The following PPOX variants were observed in gnomAD, a reference collection of about 807,000 sequenced individuals.
PPOX encodes the protein variegate porphyria.
PPOX carries 23 observed loss-of-function variants against 54.1 expected under a neutral mutation model. That is an observed-to-expected ratio of 0.43 (90% CI 0.31 to 0.60). The LOEUF (loss-of-function observed/expected upper bound fraction) is 0.60. Ranked by LOEUF, PPOX falls within the 20% of genes least tolerant of loss-of-function variation. The probability of loss-of-function intolerance (pLI) is 0.13; values close to 1 mark genes in which losing one functional copy is unlikely to be tolerated. For synonymous variants in PPOX, 224 were observed against 236.1 expected (o/e 0.95, Z 0.47); for missense variants, 512 against 601.1 (o/e 0.85, Z 1.55).
At chr1:161,176,620 G>T in intron 4 of PPOX, 1 of 559,726 alleles carries the variant, frequency 1.8e-6, no homozygotes. Context: ...TACCTGCACC[G>T]CCAGAGATCA....
At chr1:161,169,842 C>T (rs1416634478) in intron 8 of PPOX, 64 bp from the exon 9 acceptor site, 11 of 1,614,110 alleles carry the variant, frequency 6.8e-6, no homozygotes, top group South Asian at 1.1e-5. Context: ...GGAGTCTAAT[C>T]CCAAAGAGGA....
rs1416626968 is a variant in PPOX at position 161,170,897 on chromosome 1, C to G, written c.1249-10C>G. 1 of 1,614,012 alleles carries G rather than the reference C, an allele frequency of 6.2e-7. No homozygotes were observed. Among genetic ancestry groups the G allele is most frequent in the Non-Finnish European group, 8.5e-7 (1 of 1,180,036 alleles). Reference sequence around the variant, plus strand: ...TAAACTTTTCCCTGCATCCTCTCCTCTCTTCTCAGAACTGCATTCCCCAGT... The same window carrying G: ...TAAACTTTTCCCTGCATCCTCTCCTGTCTTCTCAGAACTGCATTCCCCAGT... On this transcript the variant is annotated splice_polypyrimidine_tract_variant and intron_variant, in intron 11 of 12. Coordinates refer to ENST00000367999, the MANE Select transcript of PPOX (RefSeq NM_001122764.3).
chr1:161,177,407 T>G, downstream of PPOX: 2 of 248,444 alleles, frequency 8.1e-6, no homozygotes, highest in Non-Finnish European at 1.6e-5. Context: ...TGTCGACGCA[T>G]TCCCAGCGCA....
chr1:161,166,727 C>T, intron 1 of PPOX, 55 bp downstream of exon 1: 1 of 1,549,626 alleles, frequency 6.5e-7, no homozygotes, highest in East Asian at 2.4e-5. Context: ...CATCCGTGCA[C>T]ACTTAGTTTC....
chr1:161,170,320 G>GGGGGGGGGCCCC, intron 9 of PPOX, 89 bp from the exon 10 acceptor site: 7 of 494,778 alleles, frequency 1.4e-5, no homozygotes, highest in East Asian at 1.1e-4. Flanking sequence ...GTGAGACTCT[G>GGGGGGGGGCCCC]TCCCCCCCAC....
chr1:161,166,382 G>A (rs1473485553), upstream of PPOX: 3 of 1,059,876 alleles, frequency 2.8e-6, no homozygotes, highest in East Asian at 1.5e-4. Flanking sequence ...CGCCAATCCA[G>A]ATGTAGGAGA....
chr1:161,171,353 C>T (rs1178725764), downstream of PPOX: 20 of 1,113,590 alleles, frequency 1.8e-5, no homozygotes, highest in Non-Finnish European at 2.6e-5. Flanking sequence ...AAAATCCCAG[C>T]CCCCTGAGCC....
upstream of PPOX, chr1:161,166,084 G>A (rs1658790837): frequency 3.0e-6 from 3 of 985,220 alleles, no homozygotes; most frequent in Non-Finnish European, 1.2e-6. Flanking sequence ...CCGCCTCCCC[G>A]TGGACTGGCC....
chr1:161,170,043 G>C lies in PPOX; in HGVS notation c.987+19G>C, dbSNP rs768986793. 6 of 1,605,560 alleles carry C rather than the reference G, an allele frequency of 3.7e-6. No individual in the cohort carries two copies. The highest frequency in any genetic ancestry group is 4.2e-6 in the Non-Finnish European group (5 of 1,176,574). On this transcript the variant is annotated intron_variant, in intron 9 of 12. Coordinates refer to ENST00000367999, the MANE Select transcript of PPOX (RefSeq NM_001122764.3). ...TGTCCAGGTATGATAAAGGGACGGA[G>C]AGGCTGGGCATGGTGGCTCACACCT...
At chr1:161,168,228 G>T in intron 5 of PPOX, 101 bp downstream of exon 5, 1 of 1,589,066 alleles carries the variant, frequency 6.3e-7, no homozygotes, top group Non-Finnish European at 8.6e-7. Flanking sequence ...ATCATTTGGG[G>T]ATGCCCTCTT....
At chr1:161,175,064 G>A (rs1662986946), downstream of PPOX, 2 of 1,614,130 alleles carry the variant, frequency 1.2e-6, no homozygotes, top group Non-Finnish European at 8.5e-7. Flanking sequence ...TAGAGCAGCA[G>A]GCGCAGGTGG....
intron 2 of PPOX, 59 bp from the exon 3 acceptor site, chr1:161,167,041 C>G: frequency 1.2e-6 from 2 of 1,613,950 alleles, no homozygotes; most frequent in Non-Finnish European, 1.7e-6. Context: ...CCCCTCCCCT[C>G]CTGACCTCTC....
rs371812015 is a variant in PPOX, at chr1:161,170,424, G to A, written c.1003G>A (p.Val335Met). The change falls in exon 10 of 13, where the codon GTG becomes ATG. Residue 335 changes from valine to methionine, a missense_variant. Val to Met is a conservative substitution (Grantham distance 21). Transcript: ENST00000367999. ...TTCTCTCCAGGGATTTGGACATTTG[G>A]TGCCATCTTCAGAAGATCCAGGAGT... is the stretch of plus-strand genomic sequence containing the variant. ...HLPVQGFGHL[V>M]PSSEDPGVLG... 3.7e-6 allele frequency: 6 copies of A among 1,611,196 alleles called. No homozygotes were observed. The African/African-American group carries it at 4.0e-5, about 11-fold the overall frequency.
chr1:161,166,256 G>T (rs1658842369), upstream of PPOX: 1 of 962,592 alleles, frequency 1.0e-6, no homozygotes, highest in African/African-American at 1.8e-5. Flanking sequence ...GGGTACGGCC[G>T]CTCACTCCCA....
intron 7 of PPOX, 177 bp from the exon 8 acceptor site, chr1:161,169,483 A>G (rs1660367595): frequency 1.3e-6 from 1 of 759,432 alleles, no homozygotes; most frequent in South Asian, 1.5e-5. Flanking sequence ...CCTGGAGTAC[A>G]CAGAGGAATG....
rs1659768302 is a variant in PPOX at position 161,168,082 on chromosome 1, T to A, written c.426T>A (p.Pro142=). ...TGACCAAGCCCCGGGGCAAAGAGCC[T>A]GATGAGACTGTGCACAGTTTTGCCC... ...RELTKPRGKE[P]DETVHSFAQR... The change falls in exon 5 of 13, where the codon CCT becomes CCA. Residue 142 remains proline (P), a synonymous_variant. Coordinates refer to ENST00000367999, the MANE Select transcript of PPOX (RefSeq NM_001122764.3). 2 of 1,614,052 alleles carry A rather than the reference T, an allele frequency of 1.2e-6. No homozygotes were observed. The highest frequency in any genetic ancestry group is 2.7e-5 in the African/African-American group (2 of 74,916).
Position 161,169,929 on chromosome 1 carries a change from G to A in PPOX, c.892G>A (p.Glu298Lys), listed in dbSNP as rs768718020. The change falls in exon 9 of 13, where the codon GAG becomes AAG. Residue 298 changes from glutamate to lysine, a missense_variant. Physicochemically the swap from Glu to Lys is moderately conservative, Grantham distance 56. Coordinates refer to ENST00000367999, the MANE Select transcript of PPOX (RefSeq NM_001122764.3). Reference protein sequence around the residue: ...ASVLSELLPAEAAPLARALSA... With the variant: ...ASVLSELLPAKAAPLARALSA... ...AGTGCTCAGTGAGCTGCTCCCTGCT[G>A]AGGCTGCCCCTCTGGCTCGTGCCCT... is the stretch of plus-strand genomic sequence containing the variant. 4 of 1,614,206 alleles carry A rather than the reference G, an allele frequency of 2.5e-6. No individual in the cohort carries two copies. The South Asian group carries it at 3.3e-5, about 13-fold the overall frequency.
downstream of PPOX, chr1:161,175,791 C>T: frequency 6.2e-7 from 1 of 1,609,900 alleles, no homozygotes; most frequent in Non-Finnish European, 8.5e-7. Flanking sequence ...TCACCACCTC[C>T]TTCCTCCTGC....
At chr1:161,165,770 G>T, upstream of PPOX, 1 of 214,874 alleles carries the variant, frequency 4.7e-6, no homozygotes, top group Non-Finnish European at 9.4e-6. Context: ...AGAGAACTGA[G>T]CCAAATTGGA....
Sources: gnomAD v4.1 joint callset for allele counts on GRCh38, gnomAD v4.1.1 for gene constraint, MANE v1.5 for transcripts, NCBI Gene and HGNC (gene_info 2026-07-23, HGNC 2026-07-21) for gene names.